FRMD3: variants seen among roughly 807,000 people sequenced by gnomAD.
FRMD3 encodes FERM domain containing 3.
Under a neutral mutation model 70.2 loss-of-function variants are expected in FRMD3, and 33 were observed. That is an observed-to-expected ratio of 0.47 (90% CI 0.36 to 0.63). The LOEUF (loss-of-function observed/expected upper bound fraction) is 0.63, where lower values mean the gene tolerates loss of function less well. Among genes scored for constraint, FRMD3 ranks in the 20% least tolerant of loss-of-function variants. The pLI, the probability that FRMD3 is intolerant of heterozygous loss-of-function variation, is 0.00. For missense variants in FRMD3, 632 were observed against 711.4 expected (o/e 0.89, Z 1.27); for synonymous variants, 279 against 255.9 (o/e 1.09, Z -0.86).
chr9:83,499,485 C>G (rs927240806), intron 1 of FRMD3, among the ~76,000 whole-genome samples: 1 of 152,244 alleles, frequency 6.6e-6, no homozygotes, highest in African/African-American at 2.4e-5. Context: ...CATTAGTATG[C>G]CATCACTTTC....
Position 83,446,498 on chromosome 9 carries a change from T to A in FRMD3, c.148-56790A>T, listed in dbSNP as rs373042057. Among the ~76,000 whole-genome samples the A allele has an allele frequency of 4.6e-3, 697 of 151,836 alleles. 5 individuals carry two copies. Among genetic ancestry groups the A allele is most frequent in the African/African-American group, 0.015 (609 of 41,394 alleles). On this transcript the variant is annotated intron_variant, in intron 1 of 13. Transcript: ENST00000304195. Reference sequence around the variant, plus strand: ...CCGTCTCTACTAAAAATACAAAAAATTAGCCGGGCGCGGTGGCGGGCGCCT... The same window carrying A: ...CCGTCTCTACTAAAAATACAAAAAAATAGCCGGGCGCGGTGGCGGGCGCCT...
At chr9:83,286,785 G>C (rs555509318) in intron 13 of FRMD3, among the ~76,000 whole-genome samples, 9 of 152,264 alleles carry the variant, frequency 5.9e-5, no homozygotes, top group African/African-American at 2.2e-4. Context: ...GTGATGCTGA[G>C]TCTCCACCAC....
intron 1 of FRMD3, among the ~76,000 whole-genome samples, chr9:83,529,755 G>C (rs1275831363): frequency 6.6e-6 from 1 of 152,074 alleles, no homozygotes; most frequent in African/African-American, 2.4e-5. Flanking sequence ...TATATAAAGG[G>C]TTTGTGTCCA....
intron 1 of FRMD3, among the ~76,000 whole-genome samples, chr9:83,498,123 G>C (rs1250346850): frequency 1.3e-5 from 2 of 151,948 alleles, no homozygotes; most frequent in African/African-American, 4.8e-5. Context: ...TGAGCTGAGA[G>C]TGTGCCACTG....
the FRMD3 span, among the ~76,000 whole-genome samples, chr9:83,581,991 C>G: frequency 6.6e-6 from 1 of 152,162 alleles, no homozygotes; most frequent in Admixed American, 6.6e-5. Context: ...TGTGAATATA[C>G]TAAAACCATT....
intron 1 of FRMD3, among the ~76,000 whole-genome samples, chr9:83,418,233 C>G (rs1449673528): frequency 6.6e-6 from 1 of 152,062 alleles, no homozygotes; most frequent in Non-Finnish European, 1.5e-5. Context: ...GAATTCATGA[C>G]TAAGACCCCA....
chr9:83,440,699 G>A (rs1827268952), intron 1 of FRMD3, among the ~76,000 whole-genome samples: 1 of 152,212 alleles, frequency 6.6e-6, no homozygotes, highest in African/African-American at 2.4e-5. Context: ...AGACAGACTG[G>A]ATTCCAATCT....
intron 1 of FRMD3, among the ~76,000 whole-genome samples, chr9:83,423,613 T>TTTTTTTTTTTTTG: frequency 7.1e-6 from 1 of 141,198 alleles, no homozygotes; most frequent in African/African-American, 2.7e-5. Context: ...TTTTTTTTTT[T>TTTTTTTTTTTTTG]GAGATGGAGT....
chr9:83,309,760 CTA>C lies in FRMD3; in HGVS notation c.838-138_838-137del, dbSNP rs1223892956. The C allele has an allele frequency of 8.7e-6, 5 of 575,428 alleles. No individual in the cohort carries two copies. The East Asian group carries it at 1.4e-4, about 16-fold the overall frequency. The allele number at this position is 575,428 out of a possible 1,614,324, so 35.6% of individuals were successfully genotyped here. On this transcript the variant is annotated intron_variant, in intron 9 of 13. Coordinates refer to ENST00000304195, the MANE Select transcript of FRMD3 (RefSeq NM_174938.6). ...AGACTTGAAGTAACTTAACATATTG[CTA>C]TGTTATTTACAGTGTTATTAACATG...
chr9:83,505,856 C>T (rs1000986972), intron 1 of FRMD3, among the ~76,000 whole-genome samples: 3 of 152,158 alleles, frequency 2.0e-5, no homozygotes, highest in African/African-American at 4.8e-5. Context: ...GAAGGTCCTC[C>T]GTGATCCCGG....
intron 13 of FRMD3, among the ~76,000 whole-genome samples, chr9:83,264,814 A>C (rs5003134): frequency 6.9e-6 from 1 of 144,624 alleles, no homozygotes; most frequent in Non-Finnish European, 1.5e-5. Flanking sequence ...TTGTGGGGGG[A>C]GGGGGGAAGG....
the FRMD3 span, among the ~76,000 whole-genome samples, chr9:83,559,787 T>A: frequency 6.6e-6 from 1 of 152,182 alleles, no homozygotes; most frequent in Non-Finnish European, 1.5e-5. Context: ...TTTCTATATA[T>A]AAATTATACC....
intron 3 of FRMD3, chr9:83,350,612 A>G (rs1317009269): frequency 3.1e-6 from 1 of 321,324 alleles, no homozygotes; most frequent in Non-Finnish European, 4.3e-6. Flanking sequence ...AATAAGAGTG[A>G]AACTCCATCT....
At chr9:83,526,178 G>A (rs375463345) in intron 1 of FRMD3, among the ~76,000 whole-genome samples, 51 of 152,308 alleles carry the variant, frequency 3.3e-4, no homozygotes, top group African/African-American at 1.2e-3. Flanking sequence ...ACAGGTGTGT[G>A]ACTTGCACAT....
At chr9:83,428,864 C>T (rs182889485) in intron 1 of FRMD3, among the ~76,000 whole-genome samples, 1 of 152,074 alleles carries the variant, frequency 6.6e-6, no homozygotes, top group Non-Finnish European at 1.5e-5. Flanking sequence ...ATGTTTTACT[C>T]ATTATCTTGA....
At chr9:83,545,363 T>TG in the FRMD3 span, among the ~76,000 whole-genome samples, 9 of 146,942 alleles carry the variant, frequency 6.1e-5, no homozygotes, top group East Asian at 3.9e-4. Flanking sequence ...TTTGTTTTTT[T>TG]TTTTTTTTTT....
At chr9:83,446,483 T>C (rs562281584) in intron 1 of FRMD3, among the ~76,000 whole-genome samples, 6 of 151,208 alleles carry the variant, frequency 4.0e-5, no homozygotes, top group Non-Finnish European at 8.8e-5. Context: ...CCGTCTCTAC[T>C]AAAAATACAA....
At chr9:83,259,916 A>G (rs1386145893) in intron 13 of FRMD3, among the ~76,000 whole-genome samples, 1 of 152,168 alleles carries the variant, frequency 6.6e-6, no homozygotes, top group African/African-American at 2.4e-5. Flanking sequence ...AGGAAAAAAG[A>G]GCAGATCACC....
chr9:83,345,024 G>A (rs1448585614), intron 4 of FRMD3, among the ~76,000 whole-genome samples: 4 of 152,108 alleles, frequency 2.6e-5, no homozygotes, highest in African/African-American at 9.7e-5. Context: ...AAGGTCACAG[G>A]GACGCTGTCA....
Sources: gnomAD v4.1 joint callset for allele counts (sites outside exome capture counted in the v4.1 genomes callset) on GRCh38, gnomAD v4.1.1 for gene constraint, MANE v1.5 for transcripts, NCBI Gene and HGNC (gene_info 2026-07-23, HGNC 2026-07-21) for gene names.